CDCA7L: variants seen among roughly 807,000 people sequenced by gnomAD.
The protein encoded by CDCA7L is cell division cycle associated 7 like.
In CDCA7L, 44 loss-of-function variants were observed where a neutral mutation model predicts 57.4. The ratio of observed to expected loss-of-function variants is 0.77; its 90% CI spans 0.60 to 0.98. The LOEUF is 0.98. Among genes scored for constraint, CDCA7L ranks in the 50% least tolerant of loss-of-function variants. The pLI is 0.00. For missense variants in CDCA7L, 644 were observed against 580.6 expected, an observed-to-expected ratio of 1.11 and a Z score of -1.12; for synonymous variants, 236 against 202.8, an observed-to-expected ratio of 1.16 and a Z score of -1.39.
At chr7:21,906,074 ACTCT>A (rs1192481620) in intron 6 of CDCA7L, among the ~76,000 whole-genome samples, 4 of 151,482 alleles carry the variant, frequency 2.6e-5, no homozygotes, top group East Asian at 4.0e-4. Context: ...TGGATAAAAG[ACTCT>A]CTCTGTGACC....
intron 8 of CDCA7L, 23 bp from the exon 9 acceptor site, chr7:21,903,137 C>T (rs1784991610): frequency 1.9e-6 from 3 of 1,607,326 alleles, no homozygotes; most frequent in Non-Finnish European, 2.5e-6. Context: ...TGACAGCAGA[C>T]ACTTCGCTCA....
chr7:21,908,765 A>G (rs1180702155), intron 3 of CDCA7L, among the ~76,000 whole-genome samples: 1 of 152,186 alleles, frequency 6.6e-6, no homozygotes, highest in East Asian at 1.9e-4. Context: ...TCAGAGCATG[A>G]GGGCTGTAAG....
In CDCA7L at chr7:21,903,000, T is replaced by G. The variant is rs767205857; in HGVS notation, c.1312A>C (p.Asn438His). 6.2e-7 allele frequency: 1 copy of G among 1,613,922 alleles called. No homozygotes were observed. The highest frequency in any genetic ancestry group is 8.5e-7 in the Non-Finnish European group (1 of 1,179,812). ...TACCTCTCCAGATATTCCTTAACAT[T>G]GTCATAACCATAAAACTTGGCCAGA... Reference protein sequence around the residue: ...IHLAKFYGYDNVKEYLESLQK... With the variant: ...IHLAKFYGYDHVKEYLESLQK... Residue 438 changes from asparagine (N) to histidine (H), a missense_variant, in exon 9 of 10, where the codon AAT becomes CAT. Asn to His is a moderately conservative substitution (Grantham distance 68). Transcript: ENST00000406877.
intron 1 of CDCA7L, among the ~76,000 whole-genome samples, chr7:21,934,469 A>G (rs1037674056): frequency 1.3e-5 from 2 of 152,202 alleles, no homozygotes; most frequent in African/African-American, 4.8e-5. Flanking sequence ...TAAGCAATCA[A>G]CTAAACTCAA....
chr7:21,944,148 T>C (rs368893209), intron 1 of CDCA7L, among the ~76,000 whole-genome samples: 12 of 152,070 alleles, frequency 7.9e-5, no homozygotes, highest in East Asian at 7.7e-4. Context: ...CCTAGAAGGT[T>C]AGGACGCCAG....
chr7:21,910,441 T>C (rs1285836533), intron 3 of CDCA7L, among the ~76,000 whole-genome samples: 1 of 152,090 alleles, frequency 6.6e-6, no homozygotes, highest in African/African-American at 2.4e-5. Context: ...CTCTACATTC[T>C]CTCCTAGGAC....
At chr7:21,943,052 G>A (rs956212182) in intron 1 of CDCA7L, among the ~76,000 whole-genome samples, 1 of 152,198 alleles carries the variant, frequency 6.6e-6, no homozygotes, top group African/African-American at 2.4e-5. Context: ...GACATTCAGT[G>A]CCTACCAGTT....
At chr7:21,905,669 G>A (rs756145204) in intron 6 of CDCA7L, 38 bp from the exon 7 acceptor site, 21 of 1,586,338 alleles carry the variant, frequency 1.3e-5, no homozygotes, top group Non-Finnish European at 1.5e-5. Flanking sequence ...GAGATGTGTT[G>A]AGCAGTTATA....
chr7:21,905,631 C>G lies in CDCA7L; in HGVS notation c.922G>C (p.Gly308Arg), dbSNP rs1785115453. 6.2e-7 allele frequency: 1 copy of G among 1,613,394 alleles called. No homozygotes were observed. Among genetic ancestry groups the G allele is most frequent in the Non-Finnish European group, 8.5e-7 (1 of 1,179,896 alleles). Residue 308 changes from glycine to arginine, a missense_variant and splice_region_variant, in exon 7 of 10, where the codon GGG becomes CGG. Transcript: ENST00000406877. ...YSFRRRKTIG[G>R]KCREYRRRHR... The stretch of plus-strand genomic sequence containing the variant: ...CGTCGTCTGTACTCCCGGCATTTCC[C>G]CTGCACAATGAACACAAGCAGAACA...
At chr7:21,923,991 G>C (rs1450451391) in intron 1 of CDCA7L, among the ~76,000 whole-genome samples, 1 of 152,164 alleles carries the variant, frequency 6.6e-6, no homozygotes, top group Non-Finnish European at 1.5e-5. Context: ...GCTATAAAAA[G>C]ATCATCAAAC....
chr7:21,924,957 A>C (rs1215454061), intron 1 of CDCA7L, among the ~76,000 whole-genome samples: 4 of 152,214 alleles, frequency 2.6e-5, no homozygotes, highest in African/African-American at 9.6e-5. Flanking sequence ...GAATTAAATT[A>C]ACACACACAT....
intron 1 of CDCA7L, among the ~76,000 whole-genome samples, chr7:21,943,359 G>T (rs1458822568): frequency 6.6e-6 from 1 of 152,236 alleles, no homozygotes; most frequent in Non-Finnish European, 1.5e-5. Flanking sequence ...CTGCTTTGCT[G>T]AAACACTTAG....
intron 1 of CDCA7L, among the ~76,000 whole-genome samples, chr7:21,933,585 T>C (rs1023912195): frequency 1.3e-5 from 2 of 152,124 alleles, no homozygotes; most frequent in Non-Finnish European, 2.9e-5. Flanking sequence ...TTCTTATTCA[T>C]AGTTGGCAGG....
intron 4 of CDCA7L, among the ~76,000 whole-genome samples, chr7:21,907,483 G>A (rs1785176865): frequency 6.6e-6 from 1 of 150,828 alleles, no homozygotes; most frequent in African/African-American, 2.5e-5. Flanking sequence ...AAAAACTGTA[G>A]ATAAACAATT....
Position 21,902,211 on chromosome 7 carries a change from GAATTTCTGTATAAAAACACAA to G in CDCA7L, c.*90_*110del. 2.0e-6 allele frequency: 2 copies of G among 1,015,670 alleles called. No homozygotes were observed. The highest frequency in any genetic ancestry group is 1.5e-6 in the Non-Finnish European group (1 of 650,510). 62.9% of individuals were successfully genotyped at this position (1,015,670 alleles called of 1,614,324 possible). On this transcript the variant is annotated 3_prime_UTR_variant, in exon 10 of 10. Transcript: ENST00000406877. ...AACAAAAAATAGTAATTTCTACAAA[GAATTTCTGTATAAAAACACAA>G]CTGTAAAAAAATCTTTCTTAGGCAC...
chr7:21,934,306 G>A (rs954623528), intron 1 of CDCA7L, among the ~76,000 whole-genome samples: 2 of 152,168 alleles, frequency 1.3e-5, no homozygotes, highest in African/African-American at 4.8e-5. Flanking sequence ...CTATATAGGA[G>A]TAGAATTTTT....
rs371441453 is a variant in CDCA7L, at chr7:21,920,687, A to C, written c.25-3793T>G. Among the ~76,000 whole-genome samples, 12 of 152,344 alleles carry C rather than the reference A, an allele frequency of 7.9e-5. No homozygotes were observed. In the East Asian group the frequency reaches 9.6e-4, roughly 12 times the overall value. ...GACATCATTCTTGGGGAAAATATTG[A>C]AACTTTTCTCAAGGAGGTATGTTAA... On this transcript the variant is annotated intron_variant, in intron 1 of 9. Coordinates refer to ENST00000406877, the MANE Select transcript of CDCA7L (RefSeq NM_018719.5).
Position 21,901,562 on chromosome 7 carries a change from C to A in CDCA7L, c.*760G>T, listed in dbSNP as rs1184006268. The A allele has an allele frequency of 9.7e-6, 2 of 206,924 alleles. No individual in the cohort carries two copies. Among genetic ancestry groups the A allele is most frequent in the Non-Finnish European group, 1.9e-5 (2 of 104,848 alleles). The allele number at this position is 206,924 out of a possible 1,614,324, so 12.8% of individuals were successfully genotyped here. A position where few individuals can be genotyped will look rare whatever the true frequency, so the allele number is the denominator to read the frequency against. On this transcript the variant is annotated 3_prime_UTR_variant, in exon 10 of 10. Transcript: ENST00000406877. ...CCCTCCTGGGCAACAGAACAAGACT[C>A]CATCTCAAAAAAAAAAAAGTACATC...
chr7:21,945,636 T>A, intron 1 of CDCA7L, 145 bp downstream of exon 1: 1 of 986,092 alleles, frequency 1.0e-6, no homozygotes, highest in Non-Finnish European at 1.5e-6. Flanking sequence ...GCGCGCCCAC[T>A]CCGGCACTCA....
Sources: allele counts gnomAD v4.1 joint callset (sites outside exome capture counted in the v4.1 genomes callset), GRCh38; gene constraint gnomAD v4.1.1; transcripts MANE v1.5; gene names NCBI Gene and HGNC (gene_info 2026-07-23, HGNC 2026-07-21).